The following FNIP2 variants were observed in gnomAD, a reference collection of about 807,000 sequenced individuals.
FNIP2 encodes the protein folliculin interacting protein 2.
In FNIP2, 32 loss-of-function variants were observed where a neutral mutation model predicts 108.7. The observed-to-expected ratio is 0.29, with a 90% confidence interval of 0.22 to 0.40. The LOEUF is 0.40. Ranked by LOEUF, FNIP2 falls within the 10% of genes least tolerant of loss-of-function variation. The pLI, the probability that FNIP2 is intolerant of heterozygous loss-of-function variation, is 1.00. For missense variants in FNIP2, 1,202 were observed against 1,381.6 expected, an observed-to-expected ratio of 0.87 and a Z score of 2.06; for synonymous variants, 480 against 496.7, an observed-to-expected ratio of 0.97 and a Z score of 0.45.
chr4:158,871,882 T>C, intron 14 of FNIP2: 6 of 985,454 alleles, frequency 6.1e-6, no homozygotes, highest in Non-Finnish European at 7.2e-6. Context: ...TCCAAAACGA[T>C]GTCTGATGCT....
chr4:158,872,140 T>C, intron 14 of FNIP2: 3 of 985,424 alleles, frequency 3.0e-6, no homozygotes, highest in Non-Finnish European at 3.6e-6. Context: ...AATGGGATTG[T>C]CCTCAGTGAC....
chr4:158,898,225 G>A (rs544402517), intron 16 of FNIP2, among the ~76,000 whole-genome samples: 6 of 152,322 alleles, frequency 3.9e-5, no homozygotes, highest in African/African-American at 1.4e-4. Context: ...ATACCGTGCT[G>A]TTTTGGTTAC....
intron 16 of FNIP2, among the ~76,000 whole-genome samples, chr4:158,904,212 T>G (rs970976215): frequency 6.6e-6 from 1 of 152,148 alleles, no homozygotes; most frequent in African/African-American, 2.4e-5. Flanking sequence ...GAAAAAGAGC[T>G]TTATGTCCAC....
At chr4:158,882,571 A>G (rs941972132) in intron 14 of FNIP2, among the ~76,000 whole-genome samples, 11 of 152,282 alleles carry the variant, frequency 7.2e-5, no homozygotes, top group Non-Finnish European at 1.2e-4. Flanking sequence ...GGAAATGCGG[A>G]GAAAAGATAG....
intron 1 of FNIP2, among the ~76,000 whole-genome samples, chr4:158,809,960 T>C (rs1234940683): frequency 6.6e-6 from 1 of 152,212 alleles, no homozygotes; most frequent in Non-Finnish European, 1.5e-5. Context: ...TACAGAAACT[T>C]GAGTGCATTG....
rs527595545 is a variant in FNIP2 at position 158,882,035 on chromosome 4, G to A, written c.2950-9411G>A. The stretch of plus-strand genomic sequence containing the variant: ...GTCTCTGCCCAGTCTCTGCCCGGCC[G>A]CCCATTGTCTGAGATGTGGGGAGTG... On this transcript the variant is annotated intron_variant, in intron 14 of 16. Transcript: ENST00000264433. Among the ~76,000 whole-genome samples, 1,086 of 151,592 alleles carry A rather than the reference G, an allele frequency of 7.2e-3. 6 individuals are homozygous for A. Among genetic ancestry groups the A allele is most frequent in the Non-Finnish European group, 0.011 (738 of 67,868 alleles).
chr4:158,852,241 T>C (rs997135603), intron 8 of FNIP2, among the ~76,000 whole-genome samples: 9 of 152,048 alleles, frequency 5.9e-5, no homozygotes, highest in Admixed American at 3.9e-4. Flanking sequence ...GTGATGGTCA[T>C]GGGGGGAATT....
intron 2 of FNIP2, among the ~76,000 whole-genome samples, chr4:158,828,678 ATTAG>A (rs1315242215): frequency 6.6e-6 from 1 of 152,186 alleles, no homozygotes; most frequent in African/African-American, 2.4e-5. Flanking sequence ...GTTTTGTTTT[ATTAG>A]TTCCATTTGC....
At chr4:158,812,902 C>T (rs1398435304) in intron 1 of FNIP2, among the ~76,000 whole-genome samples, 2 of 151,422 alleles carry the variant, frequency 1.3e-5, no homozygotes, top group African/African-American at 2.4e-5. Context: ...CCTTCCCTCC[C>T]TCTCTAACCC....
intron 8 of FNIP2, among the ~76,000 whole-genome samples, chr4:158,854,556 G>T (rs1779879981): frequency 6.6e-6 from 1 of 152,220 alleles, no homozygotes; most frequent in Non-Finnish European, 1.5e-5. Flanking sequence ...CATCATAAGG[G>T]TCATGGCTCC....
Position 158,788,338 on chromosome 4 carries a change from G to A in FNIP2, c.107+19019G>A, listed in dbSNP as rs766823198. 1.4e-3 allele frequency among the ~76,000 whole-genome samples: 214 copies of A among 152,366 alleles called. 2 individuals are homozygous for A. Among genetic ancestry groups the A allele is most frequent in the Non-Finnish European group, 4.3e-4 (29 of 68,044 alleles). ...ACTACTCCCCTCTGAGGACAGGGAT[G>A]ACCATGCCGAATCTGTATTCACTTT... On this transcript the variant is annotated intron_variant, in intron 1 of 16. Coordinates refer to ENST00000264433, the MANE Select transcript of FNIP2 (RefSeq NM_020840.3).
intron 16 of FNIP2, among the ~76,000 whole-genome samples, chr4:158,900,036 G>C (rs995933436): frequency 2.0e-5 from 3 of 152,074 alleles, no homozygotes; most frequent in Non-Finnish European, 4.4e-5. Context: ...TAAAGATTCG[G>C]GTACACTGTG....
Position 158,888,853 on chromosome 4 carries a change from G to A in FNIP2, c.2950-2593G>A, listed in dbSNP as rs114399576. 3.2e-3 allele frequency among the ~76,000 whole-genome samples: 480 copies of A among 151,112 alleles called. 1 individual carries two copies. Among genetic ancestry groups the A allele is most frequent in the African/African-American group, 0.011 (461 of 41,076 alleles). On this transcript the variant is annotated intron_variant, in intron 14 of 16. Coordinates refer to ENST00000264433, the MANE Select transcript of FNIP2 (RefSeq NM_020840.3). ...GCCGAGATTGCACCACATCACTCCT[G>A]GGCAACAGAACAAGACTGTCTCAAA...
At chr4:158,846,873 A>G (rs947051724) in intron 7 of FNIP2, among the ~76,000 whole-genome samples, 3 of 152,196 alleles carry the variant, frequency 2.0e-5, no homozygotes, top group Admixed American at 6.5e-5. Context: ...CCTGCTTTTA[A>G]CTTCATAGAG....
intron 7 of FNIP2, among the ~76,000 whole-genome samples, chr4:158,846,440 A>T (rs922971091): frequency 1.3e-5 from 2 of 152,184 alleles, no homozygotes; most frequent in Non-Finnish European, 2.9e-5. Context: ...GAGAGAGCTG[A>T]CACGTTAAGT....
In FNIP2 at chr4:158,868,444, A is replaced by T; in HGVS notation, c.1808A>T (p.Glu603Val). Residue 603 changes from glutamate to valine, a missense_variant, in exon 13 of 17, where the codon GAG (glutamate) becomes GTG (valine). Physicochemically the swap from Glu to Val is moderately radical, Grantham distance 121. Around this residue, in one of 5 missense-constraint regions of FNIP2, gnomAD observed 878 missense variants for 990.3 expected, o/e 0.89. Coordinates refer to ENST00000264433, the MANE Select transcript of FNIP2 (RefSeq NM_020840.3). The surrounding 1 kb of genome is among the most constrained non-coding windows in gnomAD (Gnocchi z 4.6). ...PWPTGFPECP[E>V]GTDSRDLGLK... ...CCGACAGGGTTTCCTGAGTGCCCAGAGGGCACTGACAGTAGAGACCTGGGT... is the reference window on the plus strand; with the variant it reads ...CCGACAGGGTTTCCTGAGTGCCCAGTGGGCACTGACAGTAGAGACCTGGGT... 9 of 1,614,026 alleles carry T rather than the reference A, an allele frequency of 5.6e-6. No individual in the cohort carries two copies. The highest frequency in any genetic ancestry group is 7.6e-6 in the Non-Finnish European group (9 of 1,179,890).
chr4:158,895,188 C>T (rs1413396263), intron 15 of FNIP2, among the ~76,000 whole-genome samples: 1 of 152,064 alleles, frequency 6.6e-6, no homozygotes, highest in Non-Finnish European at 1.5e-5. Context: ...AGTTAAAATA[C>T]ATTCTTGAAA....
intron 7 of FNIP2, chr4:158,836,747 C>T (rs558271565): frequency 6.4e-5 from 8 of 125,266 alleles, no homozygotes; most frequent in South Asian, 2.8e-4. Context: ...ACCTGGGAGG[C>T]GGAGGTTGCA....
intron 14 of FNIP2, among the ~76,000 whole-genome samples, chr4:158,876,277 A>G (rs941765454): frequency 6.6e-6 from 1 of 152,228 alleles, no homozygotes. Context: ...CAGTGCTGCA[A>G]GAGGACTTTC....
Sources: gnomAD v4.1 joint callset for allele counts (sites outside exome capture counted in the v4.1 genomes callset) on GRCh38, gnomAD v4.1.1 for gene constraint, gnomAD v4.1.1 regional missense constraint, Gnocchi (gnomAD v3.1) non-coding constraint, MANE v1.5 for transcripts, NCBI Gene and HGNC (gene_info 2026-07-23, HGNC 2026-07-21) for gene names.